Variants in MCMDC2 observed in about 807,000 individuals in gnomAD.
MCMDC2 encodes minichromosome maintenance domain-containing protein 2.
In MCMDC2, 54 loss-of-function variants were observed where a neutral mutation model predicts 75.8. The ratio of observed to expected loss-of-function variants is 0.71; its 90% CI spans 0.57 to 0.89. The LOEUF (loss-of-function observed/expected upper bound fraction) is 0.89. MCMDC2 is among the 40% of genes least tolerant of loss of function. The pLI is 0.00. For missense variants in MCMDC2, 656 were observed against 780.4 expected, an observed-to-expected ratio of 0.84 and a Z score of 1.90; for synonymous variants, 249 against 274.6, an observed-to-expected ratio of 0.91 and a Z score of 0.92.
intron 10 of MCMDC2, among the ~76,000 whole-genome samples, chr8:66,892,705 C>G (rs551787919): frequency 2.8e-4 from 42 of 152,284 alleles, no homozygotes; most frequent in African/African-American, 1.0e-3. Flanking sequence ...GTGGACTCCA[C>G]CCAGAACTGG....
rs1813546328 is a variant in MCMDC2 at position 66,921,856 on chromosome 8, T to C, written c.*2687T>C. ...GAATCACCACCCATAAATAAGCTAA[T>C]TATTGACAAGATTATAATCTTTCGA... is the stretch of plus-strand genomic sequence containing the variant. On this transcript the variant is annotated 3_prime_UTR_variant, in exon 15 of 15. Transcript: ENST00000422365. The C allele has an allele frequency of 6.6e-6, 1 of 152,228 alleles. No homozygotes were observed. Among genetic ancestry groups the C allele is most frequent in the Non-Finnish European group, 1.5e-5 (1 of 68,038 alleles). 9.4% of individuals were successfully genotyped at this position (152,228 alleles called of 1,614,324 possible).
At chr8:66,910,024 C>T (rs1045850891) in intron 14 of MCMDC2, among the ~76,000 whole-genome samples, 1 of 152,246 alleles carries the variant, frequency 6.6e-6, no homozygotes, top group African/African-American at 2.4e-5. Flanking sequence ...CAGGCTGTTG[C>T]TTCAGAGGGT....
intron 14 of MCMDC2, among the ~76,000 whole-genome samples, chr8:66,914,173 C>T (rs1813218772): frequency 1.3e-5 from 2 of 149,958 alleles, no homozygotes; most frequent in Admixed American, 1.3e-4. Context: ...GTCCCAGCTA[C>T]TCGATAAGCT....
chr8:66,909,404 G>A (rs2130861613), intron 14 of MCMDC2, among the ~76,000 whole-genome samples: 1 of 152,334 alleles, frequency 6.6e-6, no homozygotes. Context: ...CAGGCAGAGG[G>A]TGGAACAGTT....
intron 14 of MCMDC2, among the ~76,000 whole-genome samples, chr8:66,906,464 T>A (rs994348640): frequency 1.3e-5 from 2 of 152,212 alleles, no homozygotes; most frequent in African/African-American, 4.8e-5. Context: ...TGTCAAGCAT[T>A]CTTAATCTAG....
chr8:66,890,319 G>T (rs1157718214), intron 9 of MCMDC2, among the ~76,000 whole-genome samples: 1 of 151,968 alleles, frequency 6.6e-6, no homozygotes, highest in Non-Finnish European at 1.5e-5. Context: ...GCCTGCCTCG[G>T]CCTCCCAAAG....
intron 5 of MCMDC2, 102 bp downstream of exon 5, chr8:66,877,646 CCT>C: frequency 1.2e-6 from 1 of 816,596 alleles, no homozygotes. Context: ...GGGAGGATCA[CCT>C]GAGCTCAGGA....
intron 14 of MCMDC2, among the ~76,000 whole-genome samples, chr8:66,906,551 A>AT (rs569668204): frequency 1.3e-5 from 2 of 151,898 alleles, no homozygotes; most frequent in South Asian, 4.1e-4. Flanking sequence ...TGCCTTATAC[A>AT]TTTTTTTCCG....
At chr8:66,901,640 T>A in intron 13 of MCMDC2, 1 of 1,073,740 alleles carries the variant, frequency 9.3e-7, no homozygotes, top group Non-Finnish European at 1.1e-6. Flanking sequence ...TTTTTAAAAA[T>A]GTGGCTGTTG....
At chr8:66,877,869 A>G (rs1811370948) in intron 5 of MCMDC2, among the ~76,000 whole-genome samples, 1 of 151,898 alleles carries the variant, frequency 6.6e-6, no homozygotes, top group African/African-American at 2.4e-5. Context: ...TGTCTAAAAA[A>G]AAAAAAAAAA....
chr8:66,892,218 G>T (rs1812141183), intron 10 of MCMDC2, among the ~76,000 whole-genome samples: 1 of 152,216 alleles, frequency 6.6e-6, no homozygotes, highest in African/African-American at 2.4e-5. Context: ...AAATCCTGAG[G>T]TCTGGGCCTC....
At chr8:66,881,683 A>G (rs2130803733) in intron 8 of MCMDC2, among the ~76,000 whole-genome samples, 1 of 152,306 alleles carries the variant, frequency 6.6e-6, no homozygotes, top group East Asian at 1.9e-4. Flanking sequence ...CTCCGTCTCA[A>G]AAAAAAGAAA....
At chr8:66,888,540 T>C (rs902986910) in intron 9 of MCMDC2, among the ~76,000 whole-genome samples, 1 of 152,224 alleles carries the variant, frequency 6.6e-6, no homozygotes, top group Non-Finnish European at 1.5e-5. Context: ...TTAGGTCTTC[T>C]TTAATTTCTC....
intron 12 of MCMDC2, among the ~76,000 whole-genome samples, chr8:66,899,340 C>T (rs1366123861): frequency 2.6e-5 from 4 of 152,122 alleles, no homozygotes; most frequent in East Asian, 1.9e-4. Flanking sequence ...ATTGGTGGCT[C>T]ATCATCATGC....
chr8:66,873,876 G>T (rs1002267663), intron 1 of MCMDC2, among the ~76,000 whole-genome samples, 177 bp from the exon 2 acceptor site: 2 of 151,278 alleles, frequency 1.3e-5, no homozygotes, highest in Non-Finnish European at 2.9e-5. Context: ...AACAGAGCGA[G>T]ACTCCATCTC....
chr8:66,893,518 T>TA (rs1412457197), intron 10 of MCMDC2, among the ~76,000 whole-genome samples: 1 of 152,104 alleles, frequency 6.6e-6, no homozygotes, highest in East Asian at 1.9e-4. Context: ...ACATCTCAAG[T>TA]GGTGGCAGAC....
chr8:66,900,941 CGTT>C (rs1255897136), intron 12 of MCMDC2, among the ~76,000 whole-genome samples: 1 of 152,158 alleles, frequency 6.6e-6, no homozygotes, highest in African/African-American at 2.4e-5. Context: ...GGAGCAAAGA[CGTT>C]GTAAAGTCAT....
chr8:66,877,304 T>A lies in MCMDC2; in HGVS notation c.286-45T>A, dbSNP rs558527755. The A allele has an allele frequency of 2.3e-5, 29 of 1,258,744 alleles. No homozygotes were observed. The Middle Eastern group carries it at 9.2e-4, about 40-fold the overall frequency. The allele number at this position is 1,258,744 out of a possible 1,614,324, so 78.0% of individuals were successfully genotyped here. A position where few individuals can be genotyped will look rare whatever the true frequency, so the allele number is the denominator to read the frequency against. On this transcript the variant is annotated intron_variant, in intron 4 of 14. Coordinates refer to ENST00000422365, the MANE Select transcript of MCMDC2 (RefSeq NM_173518.5). ...TTACTATATTGTAATACAAGTCAAA[T>A]TGGATTTGCAATTTTCATTAATACC...
At chr8:66,918,958 T>A in intron 14 of MCMDC2, 45 bp from the exon 15 acceptor site, 1 of 1,357,430 alleles carries the variant, frequency 7.4e-7, no homozygotes, top group East Asian at 2.8e-5. Context: ...ACTTGTCATT[T>A]TAAGGAGTAT....
Sources: gnomAD v4.1 joint callset for allele counts (sites outside exome capture counted in the v4.1 genomes callset) on GRCh38, gnomAD v4.1.1 for gene constraint, MANE v1.5 for transcripts, NCBI Gene and HGNC (gene_info 2026-07-23, HGNC 2026-07-21) for gene names.